NFIB: variants seen among roughly 807,000 people sequenced by gnomAD.
NFIB encodes nuclear factor I B.
NFIB carries 11 observed loss-of-function variants against 61.5 expected under a neutral mutation model. The observed-to-expected ratio is 0.18, with a 90% CI of 0.11 to 0.30. NFIB has a LOEUF of 0.30. Among genes scored for constraint, NFIB ranks in the 10% least tolerant of loss-of-function variants. NFIB has a pLI of 1.00. For synonymous variants in NFIB, 260 were observed against 216.5 expected (o/e 1.20, Z -1.76); for missense variants, 471 against 608.9 (o/e 0.77, Z 2.38).
chr9:14,182,708 C>CTCTCTCTCTCTGTGTG (rs778914837), intron 2 of NFIB, among the ~76,000 whole-genome samples: 27 of 97,000 alleles, frequency 2.8e-4, no homozygotes, highest in Non-Finnish European at 3.8e-4. Flanking sequence ...CTCTCTCTCT[C>CTCTCTCTCTCTGTGTG]TGTGTGTGTG....
intron 2 of NFIB, among the ~76,000 whole-genome samples, chr9:14,226,404 C>A (rs1468312333): frequency 6.6e-6 from 1 of 151,724 alleles, no homozygotes; most frequent in African/African-American, 2.4e-5. Flanking sequence ...AAAAATTGGC[C>A]GGGCAGGGTG....
intron 7 of NFIB, among the ~76,000 whole-genome samples, chr9:14,122,742 G>C (rs2119181989): frequency 6.6e-6 from 1 of 152,226 alleles, no homozygotes; most frequent in East Asian, 1.9e-4. Context: ...GGGTCCTTTA[G>C]CTTTTGAGAT....
chr9:14,279,028 A>G (rs2058192104), intron 2 of NFIB, among the ~76,000 whole-genome samples: 1 of 152,184 alleles, frequency 6.6e-6, no homozygotes, highest in Admixed American at 6.6e-5. Flanking sequence ...TTTTCATTTT[A>G]GTGAGGTAGG....
the NFIB span, among the ~76,000 whole-genome samples, chr9:14,434,399 C>A: frequency 6.6e-6 from 1 of 152,164 alleles, no homozygotes; most frequent in Non-Finnish European, 1.5e-5. Flanking sequence ...TGAGTCTGAG[C>A]CTCTTTTGTG....
chr9:14,243,605 A>AT lies in NFIB; in HGVS notation c.562+63383dup, dbSNP rs563196099. Among the ~76,000 whole-genome samples the AT allele has an allele frequency of 5.1e-3, 601 of 117,462 alleles. 2 individuals are homozygous for AT. The highest frequency in any genetic ancestry group is 9.0e-3 in the African/African-American group (343 of 37,936). The allele number at this position is 117,462 out of a possible 152,430, so 77.1% of individuals were successfully genotyped here. A position where few individuals can be genotyped will look rare whatever the true frequency, so the allele number is the denominator to read the frequency against. ...TATGGTTAGATTTACCTAATTGGGT[A>AT]TTTTTTAAAAAAAAAGTACAAAAAC... On this transcript the variant is annotated intron_variant, in intron 2 of 10. Coordinates refer to ENST00000380953, the MANE Select transcript of NFIB (RefSeq NM_001190737.2).
intron 2 of NFIB, among the ~76,000 whole-genome samples, chr9:14,228,374 T>G (rs1455597991): frequency 2.0e-5 from 3 of 151,956 alleles, no homozygotes; most frequent in African/African-American, 7.3e-5. Flanking sequence ...TTTTGCATGT[T>G]TAGTAGAGAT....
chr9:14,117,697 C>A (rs950994125), intron 8 of NFIB, among the ~76,000 whole-genome samples: 2 of 152,098 alleles, frequency 1.3e-5, no homozygotes, highest in Non-Finnish European at 2.9e-5. Flanking sequence ...GATTATTCAT[C>A]ATGGGTAATT....
At chr9:14,510,924 CT>C in the NFIB span, among the ~76,000 whole-genome samples, 2 of 152,138 alleles carry the variant, frequency 1.3e-5, no homozygotes, top group African/African-American at 4.8e-5. Flanking sequence ...AAGATCCCCC[CT>C]ACCTTCAAGT....
intron 10 of NFIB, among the ~76,000 whole-genome samples, chr9:14,112,685 G>A (rs999211406): frequency 6.6e-6 from 1 of 152,138 alleles, no homozygotes; most frequent in Non-Finnish European, 1.5e-5. Context: ...TTTTGTCTTT[G>A]AAAGCTATAG....
At chr9:14,429,244 AGG>A in the NFIB span, among the ~76,000 whole-genome samples, 2 of 152,206 alleles carry the variant, frequency 1.3e-5, no homozygotes, top group African/African-American at 2.4e-5. Flanking sequence ...AAGGAAGGGA[AGG>A]GGAGTACTGG....
chr9:14,340,838 A>G lies in NFIB; in HGVS notation c.109-33318T>C, dbSNP rs16931587. 2.9e-3 allele frequency among the ~76,000 whole-genome samples: 434 copies of G among 152,222 alleles called. 1 individual carries two copies. Among genetic ancestry groups the G allele is most frequent in the African/African-American group, 9.7e-3 (402 of 41,554 alleles). On this transcript the variant is annotated intron_variant, in intron 1 of 8. Transcript: ENST00000380934. ...AGGGCTACCTCTCAGGTGGTCCGGA[A>G]ATGAGTTACTGACTTAGTATAAAAA...
At chr9:14,350,584 T>C (rs2061096544) in intron 1 of NFIB, among the ~76,000 whole-genome samples, 1 of 152,106 alleles carries the variant, frequency 6.6e-6, no homozygotes, top group Admixed American at 6.5e-5. Flanking sequence ...CTCTCAAGAA[T>C]TGAAAACACG....
At chr9:14,296,779 G>T (rs532133206) in intron 2 of NFIB, among the ~76,000 whole-genome samples, 1 of 152,192 alleles carries the variant, frequency 6.6e-6, no homozygotes, top group Non-Finnish European at 1.5e-5. Flanking sequence ...TGTTATAGTA[G>T]CCTGAACTAA....
intron 2 of NFIB, among the ~76,000 whole-genome samples, chr9:14,235,035 T>C (rs184350580): frequency 2.0e-5 from 3 of 152,318 alleles, no homozygotes; most frequent in African/African-American, 7.2e-5. Context: ...ATCTTAACTA[T>C]TTAGGGTTTC....
At chr9:14,262,222 G>C (rs1030079240) in intron 2 of NFIB, among the ~76,000 whole-genome samples, 3 of 152,116 alleles carry the variant, frequency 2.0e-5, no homozygotes, top group African/African-American at 7.2e-5. Context: ...GATTGTGAGG[G>C]TCAGTTTGGC....
At chr9:14,141,420 C>T (rs2041684678) in intron 6 of NFIB, among the ~76,000 whole-genome samples, 1 of 152,162 alleles carries the variant, frequency 6.6e-6, no homozygotes, top group Non-Finnish European at 1.5e-5. Flanking sequence ...TTTTTGCTAA[C>T]ATGCCAATTT....
At chr9:14,197,637 A>G (rs2131602247) in intron 2 of NFIB, among the ~76,000 whole-genome samples, 1 of 152,352 alleles carries the variant, frequency 6.6e-6, no homozygotes, top group East Asian at 1.9e-4. Context: ...TATTTTCAAC[A>G]GAAGATGCTG....
chr9:14,523,818 C>T, the NFIB span, among the ~76,000 whole-genome samples: 8,663 of 152,238 alleles, frequency 0.057, 380 homozygotes, highest in East Asian at 0.16. Flanking sequence ...CCACTTCATA[C>T]TGACTGAGCT....
chr9:14,358,842 A>G (rs1266962997), intron 1 of NFIB, among the ~76,000 whole-genome samples: 2 of 152,236 alleles, frequency 1.3e-5, no homozygotes, highest in Non-Finnish European at 2.9e-5. Flanking sequence ...AACACTCACC[A>G]TTAAAATTTA....
Sources: allele counts gnomAD v4.1 joint callset (sites outside exome capture counted in the v4.1 genomes callset), GRCh38; gene constraint gnomAD v4.1.1; transcripts MANE v1.5; gene names NCBI Gene and HGNC (gene_info 2026-07-23, HGNC 2026-07-21).